The following AGBL4 variants were observed in gnomAD, a reference collection of about 807,000 sequenced individuals.
AGBL4 encodes cytosolic carboxypeptidase 6.
AGBL4 carries 58 observed loss-of-function variants against 66.4 expected under a neutral mutation model. That is an observed-to-expected ratio of 0.87 (90% CI 0.71 to 1.09). The LOEUF (loss-of-function observed/expected upper bound fraction) is 1.09. Among genes scored for constraint, AGBL4 ranks in the 50% least tolerant of loss-of-function variants. The probability of loss-of-function intolerance (pLI) is 0.00; values close to 1 mark genes in which losing one functional copy is unlikely to be tolerated. For missense variants in AGBL4, 579 were observed against 631.0 expected (o/e 0.92, Z 0.88); for synonymous variants, 234 against 222.9 (o/e 1.05, Z -0.44).
At chr1:49,842,268 C>T (rs764964648) in intron 2 of AGBL4, 3 of 446,844 alleles carry the variant, frequency 6.7e-6, no homozygotes, top group Admixed American at 2.8e-5. Context: ...ATGCTGGACG[C>T]CTTCAGGCTT....
At chr1:49,936,097 T>C (rs150009955) in intron 1 of AGBL4, among the ~76,000 whole-genome samples, 1 of 152,140 alleles carries the variant, frequency 6.6e-6, no homozygotes, top group East Asian at 1.9e-4. Context: ...GAAAACAATT[T>C]AGATGAATGT....
chr1:49,876,092 TC>T (rs1218792494), intron 1 of AGBL4, among the ~76,000 whole-genome samples: 1 of 149,900 alleles, frequency 6.7e-6, no homozygotes, highest in African/African-American at 2.5e-5. Context: ...GAAAATTTTC[TC>T]CCATGTTGTA....
chr1:49,849,642 A>C (rs1021632498), intron 2 of AGBL4, among the ~76,000 whole-genome samples: 2 of 151,998 alleles, frequency 1.3e-5, no homozygotes, highest in African/African-American at 4.8e-5. Context: ...TGCAAGTCTC[A>C]TGTATTACTA....
intron 1 of AGBL4, among the ~76,000 whole-genome samples, chr1:49,883,408 G>A (rs774317435): frequency 6.6e-6 from 1 of 151,996 alleles, no homozygotes; most frequent in African/African-American, 2.4e-5. Context: ...GCTTCTCTGT[G>A]TTCCCACAGA....
At chr1:49,014,616 A>G (rs141915743) in intron 5 of AGBL4, among the ~76,000 whole-genome samples, 1 of 152,046 alleles carries the variant, frequency 6.6e-6, no homozygotes, top group African/African-American at 2.4e-5. Flanking sequence ...CAGCCTCTTC[A>G]TATTATTTTT....
chr1:49,429,421 TAAG>T, intron 3 of AGBL4, among the ~76,000 whole-genome samples: 1 of 152,320 alleles, frequency 6.6e-6, no homozygotes, highest in South Asian at 2.1e-4. Flanking sequence ...AAAGAATTTT[TAAG>T]AAGAGATAGG....
chr1:49,768,012 AAAAAC>A (rs1370762746), intron 2 of AGBL4, among the ~76,000 whole-genome samples: 1 of 151,922 alleles, frequency 6.6e-6, no homozygotes, highest in African/African-American at 2.4e-5. Context: ...CTCAAAGAAA[AAAAAC>A]AAAACAAAAC....
intron 3 of AGBL4, among the ~76,000 whole-genome samples, chr1:49,658,103 A>G (rs2124478653): frequency 6.6e-6 from 1 of 152,244 alleles, no homozygotes. Flanking sequence ...TTTGCAATCT[A>G]CTCATCTGAC....
rs550079146 is a variant in AGBL4 at position 49,398,207 on chromosome 1, T to C, written c.283-152343A>G. 2.5e-3 allele frequency among the ~76,000 whole-genome samples: 386 copies of C among 152,280 alleles called. 4 individuals are homozygous for C. Among genetic ancestry groups the C allele is most frequent in the African/African-American group, 8.9e-3 (369 of 41,554 alleles). Reference sequence around the variant, plus strand: ...TTTTCAGAAGAGATTAGCACTTGAATGAGTAGACTGAGTAAAGATGTTCTG... The same window carrying C: ...TTTTCAGAAGAGATTAGCACTTGAACGAGTAGACTGAGTAAAGATGTTCTG... On this transcript the variant is annotated intron_variant, in intron 3 of 13. Transcript: ENST00000371839.
chr1:49,554,570 A>AT lies in AGBL4; in HGVS notation c.282+142742dup, dbSNP rs531704016. ...TACCAAGTGTTTTTAATAACAATGT[A>AT]TTTTTAAGAAAACATGCTTGAGAGG... On this transcript the variant is annotated intron_variant, in intron 3 of 13. Transcript: ENST00000371839. Among the ~76,000 whole-genome samples, 31 of 152,348 alleles carry AT rather than the reference A, an allele frequency of 2.0e-4. 1 individual carries two copies. In the South Asian group the frequency reaches 6.4e-3, roughly 32 times the overall value.
chr1:48,559,668 T>C (rs922190508), intron 11 of AGBL4, among the ~76,000 whole-genome samples: 4 of 152,202 alleles, frequency 2.6e-5, no homozygotes, highest in African/African-American at 9.7e-5. Flanking sequence ...TGCTAGAGAA[T>C]GAAGATCTAA....
At chr1:49,103,656 T>C (rs1250385642) in intron 4 of AGBL4, among the ~76,000 whole-genome samples, 1 of 152,194 alleles carries the variant, frequency 6.6e-6, no homozygotes, top group African/African-American at 2.4e-5. Context: ...TCCCCTAGGC[T>C]GCTCCCTCCA....
At chr1:49,164,779 CAGT>C (rs1487620909) in intron 4 of AGBL4, among the ~76,000 whole-genome samples, 1 of 152,164 alleles carries the variant, frequency 6.6e-6, no homozygotes, top group Admixed American at 6.5e-5. Flanking sequence ...CTTCGATCTC[CAGT>C]CACTATGCCC....
chr1:49,172,857 G>A (rs1478908117), intron 4 of AGBL4, among the ~76,000 whole-genome samples: 1 of 152,192 alleles, frequency 6.6e-6, no homozygotes, highest in Non-Finnish European at 1.5e-5. Context: ...TGGGCGCAGT[G>A]GCTCACGCCT....
intron 1 of AGBL4, among the ~76,000 whole-genome samples, chr1:49,924,167 T>A (rs1389752777): frequency 6.6e-6 from 1 of 152,160 alleles, no homozygotes; most frequent in Non-Finnish European, 1.5e-5. Flanking sequence ...GGGGCCATTA[T>A]CCTTAGCAAA....
chr1:49,180,329 T>C (rs1027699740), intron 4 of AGBL4, among the ~76,000 whole-genome samples: 2 of 152,232 alleles, frequency 1.3e-5, no homozygotes, highest in South Asian at 4.1e-4. Context: ...GCACAATTTC[T>C]TAATACTAAA....
chr1:49,485,679 G>A (rs1647052480), intron 3 of AGBL4, among the ~76,000 whole-genome samples: 1 of 151,482 alleles, frequency 6.6e-6, no homozygotes, highest in Non-Finnish European at 1.5e-5. Flanking sequence ...AACATGGATA[G>A]TATTGGAGGT....
chr1:48,671,081 A>T (rs770704488), intron 6 of AGBL4, among the ~76,000 whole-genome samples: 2 of 152,236 alleles, frequency 1.3e-5, no homozygotes, highest in Non-Finnish European at 2.9e-5. Context: ...GTGTAACCCC[A>T]GTCAGGACTG....
At chr1:48,923,879 C>T (rs1654302834) in intron 5 of AGBL4, among the ~76,000 whole-genome samples, 1 of 152,088 alleles carries the variant, frequency 6.6e-6, no homozygotes, top group South Asian at 2.1e-4. Flanking sequence ...TTATGAAGGA[C>T]CTATTGTCTT....
Sources: gnomAD v4.1 joint callset for allele counts (sites outside exome capture counted in the v4.1 genomes callset) on GRCh38, gnomAD v4.1.1 for gene constraint, MANE v1.5 for transcripts, NCBI Gene and HGNC (gene_info 2026-07-23, HGNC 2026-07-21) for gene names.